CDH12: variants seen among roughly 807,000 people sequenced by gnomAD.
The protein encoded by CDH12 is cadherin-12.
CDH12 carries 41 observed loss-of-function variants against 74.1 expected under a neutral mutation model. That is an observed-to-expected ratio of 0.55 (90% CI 0.43 to 0.72). The LOEUF is 0.72. Among genes scored for constraint, CDH12 ranks in the 30% least tolerant of loss-of-function variants. The pLI is 0.00. For synonymous variants in CDH12, 399 were observed against 355.0 expected, an observed-to-expected ratio of 1.12 and a Z score of -1.39; for missense variants, 945 against 977.2, an observed-to-expected ratio of 0.97 and a Z score of 0.44.
chr5:22,776,357 C>T (rs1413116624), intron 1 of CDH12, among the ~76,000 whole-genome samples: 1 of 152,120 alleles, frequency 6.6e-6, no homozygotes, highest in Non-Finnish European at 1.5e-5. Flanking sequence ...TTAAGAAACA[C>T]TAGTGTCACA....
intron 1 of CDH12, among the ~76,000 whole-genome samples, chr5:22,823,349 A>G (rs946853779): frequency 4.0e-5 from 6 of 151,726 alleles, no homozygotes; most frequent in Non-Finnish European, 7.4e-5. Flanking sequence ...AAACCTGCAC[A>G]TTGTGCACAT....
At chr5:22,676,679 G>T (rs1741207547) in intron 1 of CDH12, among the ~76,000 whole-genome samples, 1 of 152,164 alleles carries the variant, frequency 6.6e-6, no homozygotes, top group African/African-American at 2.4e-5. Context: ...TTAAGACCTT[G>T]CTCCAGACCC....
At chr5:22,303,902 T>A (rs1737997782) in intron 3 of CDH12, among the ~76,000 whole-genome samples, 1 of 152,110 alleles carries the variant, frequency 6.6e-6, no homozygotes, top group Non-Finnish European at 1.5e-5. Context: ...ACCATGGTGA[T>A]ACCATAAGAT....
At chr5:22,554,358 C>T (rs1738704762) in intron 1 of CDH12, among the ~76,000 whole-genome samples, 1 of 152,032 alleles carries the variant, frequency 6.6e-6, no homozygotes, top group Non-Finnish European at 1.5e-5. Context: ...GACAAAAGTA[C>T]CACTCTGTTG....
rs575564928 is a variant in CDH12 at position 22,820,729 on chromosome 5, G to T, written c.-523+32329C>A. On this transcript the variant is annotated intron_variant, in intron 1 of 14. Transcript: ENST00000382254. ...TAGACCAATAACAGGCTCTGAAATT[G>T]TGGCAATAATCAATAACTTACCAAT... is the stretch of plus-strand genomic sequence containing the variant. Among the ~76,000 whole-genome samples the T allele has an allele frequency of 3.3e-5, 5 of 152,272 alleles. No individual in the cohort carries two copies. In the East Asian group the frequency reaches 9.7e-4, roughly 29 times the overall value.
At chr5:22,178,846 G>T (rs1324373698) in intron 4 of CDH12, among the ~76,000 whole-genome samples, 3 of 152,244 alleles carry the variant, frequency 2.0e-5, no homozygotes, top group Non-Finnish European at 4.4e-5. Flanking sequence ...TTTCTAATTT[G>T]ATTTAAGGAA....
chr5:22,511,753 C>A (rs368927367), intron 1 of CDH12, among the ~76,000 whole-genome samples: 1 of 152,202 alleles, frequency 6.6e-6, no homozygotes, highest in Non-Finnish European at 1.5e-5. Context: ...TAAACAAAGT[C>A]TTGCCCGTGT....
chr5:22,398,389 T>G (rs1266589229), intron 3 of CDH12, among the ~76,000 whole-genome samples: 3 of 152,250 alleles, frequency 2.0e-5, no homozygotes, highest in Non-Finnish European at 1.5e-5. Flanking sequence ...ACCAACGCCC[T>G]CTTTTACAAT....
At chr5:21,924,249 C>T (rs1056033200) in intron 6 of CDH12, among the ~76,000 whole-genome samples, 3 of 152,128 alleles carry the variant, frequency 2.0e-5, no homozygotes, top group Admixed American at 1.3e-4. Context: ...TAGCTGTGGC[C>T]GGGCACGGTG....
At chr5:21,994,291 G>T (rs1393944659) in intron 5 of CDH12, among the ~76,000 whole-genome samples, 1 of 146,520 alleles carries the variant, frequency 6.8e-6, no homozygotes, top group Non-Finnish European at 1.5e-5. Context: ...CACAAAGGGA[G>T]ACAGAGGTAA....
chr5:22,267,830 A>C (rs1443281519), intron 3 of CDH12, among the ~76,000 whole-genome samples: 1 of 152,180 alleles, frequency 6.6e-6, no homozygotes, highest in Non-Finnish European at 1.5e-5. Context: ...AAGGAGGACA[A>C]AACAAAGAAA....
chr5:22,181,950 G>T (rs1378091978), intron 4 of CDH12, among the ~76,000 whole-genome samples: 1 of 151,996 alleles, frequency 6.6e-6, no homozygotes, highest in African/African-American at 2.4e-5. Context: ...TATATCCCAG[G>T]CTATCTTGAT....
At chr5:22,431,202 C>T (rs1744157611) in intron 2 of CDH12, among the ~76,000 whole-genome samples, 1 of 152,108 alleles carries the variant, frequency 6.6e-6, no homozygotes, top group African/African-American at 2.4e-5. Context: ...ACACAGCAAT[C>T]AAATATATTA....
intron 6 of CDH12, among the ~76,000 whole-genome samples, chr5:21,857,491 A>G (rs1040526003): frequency 2.6e-5 from 4 of 151,848 alleles, no homozygotes; most frequent in African/African-American, 9.7e-5. Context: ...TCAGTAACAA[A>G]TTAGTGTATA....
chr5:21,774,998 C>T lies in CDH12; in HGVS notation c.1393+8360G>A, dbSNP rs925260560. 7.2e-5 allele frequency among the ~76,000 whole-genome samples: 11 copies of T among 152,230 alleles called. No homozygotes were observed. In the South Asian group the frequency reaches 2.3e-3, roughly 32 times the overall value. ...AATGGAGATTTCTTGGCAGTACTCCCAGAAAGTCTGATTCACCATGACTTG... is the reference window on the plus strand; with the variant it reads ...AATGGAGATTTCTTGGCAGTACTCCTAGAAAGTCTGATTCACCATGACTTG... On this transcript the variant is annotated intron_variant, in intron 11 of 14. Transcript: ENST00000382254.
chr5:22,368,466 ATTTTTT>A (rs11445293), intron 3 of CDH12, among the ~76,000 whole-genome samples: 2 of 135,320 alleles, frequency 1.5e-5, no homozygotes, highest in Non-Finnish European at 3.1e-5. Context: ...AGTCTGGCTA[ATTTTTT>A]TTTTTTTTTT....
intron 6 of CDH12, among the ~76,000 whole-genome samples, chr5:21,891,708 T>C (rs1023497465): frequency 1.3e-5 from 2 of 152,102 alleles, no homozygotes; most frequent in African/African-American, 4.8e-5. Flanking sequence ...TGAATTTATC[T>C]CTATAGGAGA....
intron 6 of CDH12, among the ~76,000 whole-genome samples, chr5:21,946,100 G>GAA: frequency 6.6e-6 from 1 of 152,226 alleles, no homozygotes; most frequent in Non-Finnish European, 1.5e-5. Context: ...AGGTTGGAAG[G>GAA]AAACAGATAA....
chr5:22,453,160 T>C (rs1745121384), intron 2 of CDH12, among the ~76,000 whole-genome samples: 1 of 152,078 alleles, frequency 6.6e-6, no homozygotes, highest in Non-Finnish European at 1.5e-5. Flanking sequence ...ACAGCCACTA[T>C]CAAAACCAGT....
Sources: gnomAD v4.1 joint callset for allele counts (sites outside exome capture counted in the v4.1 genomes callset) on GRCh38, gnomAD v4.1.1 for gene constraint, MANE v1.5 for transcripts, NCBI Gene and HGNC (gene_info 2026-07-23, HGNC 2026-07-21) for gene names.